ADCY5: variants seen among roughly 807,000 people sequenced by gnomAD.
The protein encoded by ADCY5 is adenylate cyclase type 5.
A neutral mutation model predicts 119.7 loss-of-function variants in ADCY5; 30 were observed. The ratio of observed to expected loss-of-function variants is 0.25; its 90% CI spans 0.19 to 0.34. ADCY5 has a LOEUF of 0.34. ADCY5 is among the 10% of genes least tolerant of loss of function. The pLI is 1.00. For synonymous variants in ADCY5, 753 were observed against 762.2 expected (o/e 0.99, Z 0.20); for missense variants, 1,324 against 1,775.2 (o/e 0.75, Z 4.57).
chr3:123,298,522 C>G (rs914706441), intron 15 of ADCY5, among the ~76,000 whole-genome samples: 1 of 152,216 alleles, frequency 6.6e-6, no homozygotes, highest in African/African-American at 2.4e-5. Flanking sequence ...TGTCCCATCT[C>G]TTTGTGGTCA....
Position 123,289,324 on chromosome 3 carries a change from C to T in ADCY5, c.3532+426G>A, listed in dbSNP as rs1007925982. Among the ~76,000 whole-genome samples, 12 of 152,204 alleles carry T rather than the reference C, an allele frequency of 7.9e-5. No homozygotes were observed. In the East Asian group the frequency reaches 9.6e-4, roughly 12 times the overall value. On this transcript the variant is annotated intron_variant, in intron 19 of 20. Coordinates refer to ENST00000462833, the MANE Select transcript of ADCY5 (RefSeq NM_183357.3). ...TGGAATACTTTTAAATAAAACAACG[C>T]GGTTAGGTCAGTATTACTCGAAACA... is the stretch of plus-strand genomic sequence containing the variant.
intron 1 of ADCY5, among the ~76,000 whole-genome samples, chr3:123,388,484 G>A (rs1293496535): frequency 6.6e-6 from 1 of 152,148 alleles, no homozygotes; most frequent in Admixed American, 6.5e-5. Context: ...ATGGGTTTAA[G>A]GTACCCCAGG....
intron 1 of ADCY5, among the ~76,000 whole-genome samples, chr3:123,433,535 A>C (rs1459360492): frequency 1.3e-5 from 2 of 152,234 alleles, no homozygotes; most frequent in Non-Finnish European, 2.9e-5. Context: ...TTTTCTTGAG[A>C]AGAGCGACAG....
At chr3:123,442,223 C>A (rs1424747297) in intron 1 of ADCY5, among the ~76,000 whole-genome samples, 1 of 152,156 alleles carries the variant, frequency 6.6e-6, no homozygotes, top group Non-Finnish European at 1.5e-5. Context: ...CACATGACGG[C>A]AGGTTGCACC....
At chr3:123,355,056 T>C (rs942154895) in intron 1 of ADCY5, among the ~76,000 whole-genome samples, 1 of 152,220 alleles carries the variant, frequency 6.6e-6, no homozygotes, top group Non-Finnish European at 1.5e-5. Context: ...AAAGCCAGGT[T>C]GTTCCCTCTC....
intron 17 of ADCY5, among the ~76,000 whole-genome samples, chr3:123,292,392 T>A (rs1486556946): frequency 1.3e-5 from 2 of 152,114 alleles, no homozygotes; most frequent in East Asian, 1.9e-4. Flanking sequence ...CCAGGACCCC[T>A]AGGCTCAATG....
At chr3:123,388,250 G>A (rs1201711848) in intron 1 of ADCY5, among the ~76,000 whole-genome samples, 1 of 152,206 alleles carries the variant, frequency 6.6e-6, no homozygotes, top group African/African-American at 2.4e-5. Context: ...CAGGTTGGGA[G>A]GGGCCGCGGA....
intron 1 of ADCY5, among the ~76,000 whole-genome samples, chr3:123,432,995 T>C (rs1260132207): frequency 2.0e-5 from 3 of 152,172 alleles, no homozygotes; most frequent in South Asian, 2.1e-4. Flanking sequence ...TCCCACAGTG[T>C]TGGGCAAGTA....
intron 1 of ADCY5, among the ~76,000 whole-genome samples, chr3:123,385,307 A>ACACG (rs983194860): frequency 4.0e-5 from 6 of 151,324 alleles, no homozygotes; most frequent in Non-Finnish European, 4.4e-5. Context: ...ACACACACAC[A>ACACG]CACGCACGCA....
intron 1 of ADCY5, among the ~76,000 whole-genome samples, chr3:123,371,678 C>T (rs1367640059): frequency 6.6e-6 from 1 of 152,242 alleles, no homozygotes; most frequent in Non-Finnish European, 1.5e-5. Flanking sequence ...GCCACTTCTG[C>T]ACCCATTGTG....
chr3:123,432,517 A>AT (rs1273989722), intron 1 of ADCY5, among the ~76,000 whole-genome samples: 1 of 151,930 alleles, frequency 6.6e-6, no homozygotes, highest in Non-Finnish European at 1.5e-5. Context: ...AGTGTTTCCT[A>AT]TTTTTTTACT....
intron 8 of ADCY5, among the ~76,000 whole-genome samples, chr3:123,322,324 A>C (rs767275055): frequency 1.3e-5 from 2 of 152,130 alleles, no homozygotes; most frequent in Non-Finnish European, 2.9e-5. Flanking sequence ...AAATGTTGTG[A>C]ATAAGCCTGT....
chr3:123,310,499 C>T (rs553061728), intron 12 of ADCY5, among the ~76,000 whole-genome samples: 17 of 152,288 alleles, frequency 1.1e-4, no homozygotes, highest in African/African-American at 3.4e-4. Flanking sequence ...GGTTATCACT[C>T]GGAATTCCAG....
At chr3:123,327,487 G>C (rs1042717441) in intron 7 of ADCY5, 131 bp downstream of exon 7, 5 of 998,352 alleles carry the variant, frequency 5.0e-6, no homozygotes, top group Non-Finnish European at 7.1e-6. Flanking sequence ...TCCTTTTTAA[G>C]ATGCAGGAAC....
intron 1 of ADCY5, among the ~76,000 whole-genome samples, chr3:123,437,155 A>C (rs1288907569): frequency 6.6e-6 from 1 of 152,184 alleles, no homozygotes; most frequent in Non-Finnish European, 1.5e-5. Flanking sequence ...ATTAGAGATT[A>C]ATCCTTGCAG....
At chr3:123,442,538 G>T (rs1945741736) in intron 1 of ADCY5, among the ~76,000 whole-genome samples, 1 of 152,216 alleles carries the variant, frequency 6.6e-6, no homozygotes, top group Admixed American at 6.5e-5. Context: ...GGTTGATGGG[G>T]TTTAACGCAT....
At chr3:123,367,529 A>G (rs1218616847) in intron 1 of ADCY5, among the ~76,000 whole-genome samples, 1 of 152,144 alleles carries the variant, frequency 6.6e-6, no homozygotes, top group Non-Finnish European at 1.5e-5. Flanking sequence ...CACTCCCCCA[A>G]GCTCTCCCAC....
intron 12 of ADCY5, among the ~76,000 whole-genome samples, chr3:123,310,868 T>C (rs1363311894): frequency 6.6e-6 from 1 of 150,816 alleles, no homozygotes; most frequent in Non-Finnish European, 1.5e-5. Context: ...TCCAGGGGAG[T>C]GTGTGAACTG....
At chr3:123,439,901 G>A (rs1945693561) in intron 1 of ADCY5, among the ~76,000 whole-genome samples, 1 of 152,228 alleles carries the variant, frequency 6.6e-6, no homozygotes, top group South Asian at 2.1e-4. Context: ...AAGTGATATA[G>A]TATCGGCAGT....
Sources: allele counts gnomAD v4.1 joint callset (sites outside exome capture counted in the v4.1 genomes callset), GRCh38; gene constraint gnomAD v4.1.1; transcripts MANE v1.5; gene names NCBI Gene and HGNC (gene_info 2026-07-23, HGNC 2026-07-21).